The following BET1 variants were observed in gnomAD, a reference collection of about 807,000 sequenced individuals.
BET1 encodes the protein BET1 homolog.
A neutral mutation model predicts 13.9 loss-of-function variants in BET1; 9 were observed. The ratio of observed to expected loss-of-function variants is 0.65; its 90% confidence interval spans 0.39 to 1.13. The LOEUF is 1.13. Ranked by LOEUF, BET1 falls within the 50% of genes most tolerant of loss-of-function variation. The pLI, the probability that BET1 is intolerant of heterozygous loss-of-function variation, is 0.01. For synonymous variants in BET1, 39 were observed against 47.3 expected (o/e 0.82, Z 0.72); for missense variants, 127 against 133.6 (o/e 0.95, Z 0.24).
intron 4 of BET1, among the ~76,000 whole-genome samples, chr7:93,976,859 C>T (rs549176354): frequency 1.8e-4 from 27 of 152,022 alleles, no homozygotes; most frequent in South Asian, 1.0e-3. Context: ...CTCCAAAGTC[C>T]GTTATATCAT....
chr7:93,982,964 T>C (rs1795453417), intron 4 of BET1, among the ~76,000 whole-genome samples: 1 of 152,126 alleles, frequency 6.6e-6, no homozygotes, highest in Non-Finnish European at 1.5e-5. Flanking sequence ...ACTGACGTAA[T>C]TGACCCTACA....
chr7:93,979,862 A>G (rs1383331820), intron 4 of BET1, among the ~76,000 whole-genome samples: 1 of 152,084 alleles, frequency 6.6e-6, no homozygotes, highest in Non-Finnish European at 1.5e-5. Flanking sequence ...GCTGGGAGCC[A>G]CTGAGAAAGA....
intron 6 of BET1, chr7:93,965,758 T>C (rs1795162733): frequency 6.6e-6 from 1 of 152,080 alleles, no homozygotes; most frequent in South Asian, 2.1e-4. Context: ...AAATATATTA[T>C]TGAAACTCAG....
intron 6 of BET1, among the ~76,000 whole-genome samples, chr7:93,971,718 T>C (rs568127367): frequency 1.3e-5 from 2 of 151,704 alleles, no homozygotes; most frequent in East Asian, 1.9e-4. Context: ...TGTCTCGGTC[T>C]ACATAATAAA....
Position 94,002,543 on chromosome 7 carries a change from C to G in BET1, c.19+1655G>C, listed in dbSNP as rs1795933426. Among the ~76,000 whole-genome samples, 2 of 151,402 alleles carry G rather than the reference C, an allele frequency of 1.3e-5. 1 individual carries two copies. The highest frequency in any genetic ancestry group is 4.2e-4 in the South Asian group (2 of 4,802). On this transcript the variant is annotated intron_variant, in intron 1 of 3. Transcript: ENST00000222547. ...ATTGGAGAAATTCTAATTTTACTGG[C>G]TGAGCTGAGGTCCAGGTAACAATAC...
At chr7:94,001,229 G>C (rs1166215253) in intron 1 of BET1, among the ~76,000 whole-genome samples, 1 of 152,120 alleles carries the variant, frequency 6.6e-6, no homozygotes, top group Non-Finnish European at 1.5e-5. Context: ...ACTCAACACT[G>C]TATGTCCCCC....
chr7:93,967,396 C>T (rs1416479226), intron 6 of BET1, among the ~76,000 whole-genome samples: 1 of 151,780 alleles, frequency 6.6e-6, no homozygotes, highest in Non-Finnish European at 1.5e-5. Flanking sequence ...AACTACCTCA[C>T]TATTGAGAAA....
chr7:93,966,336 T>A (rs942350660), intron 6 of BET1, among the ~76,000 whole-genome samples: 1 of 152,046 alleles, frequency 6.6e-6, no homozygotes, highest in Non-Finnish European at 1.5e-5. Context: ...GAGAGATGCA[T>A]GTTTTTGTTC....
chr7:93,991,131 C>A (rs1249080169), downstream of BET1, among the ~76,000 whole-genome samples: 1 of 152,068 alleles, frequency 6.6e-6, no homozygotes, highest in African/African-American at 2.4e-5. Flanking sequence ...GCCAGAGTAA[C>A]AATAACCACA....
intron 1 of BET1, among the ~76,000 whole-genome samples, chr7:94,001,899 T>C (rs917623333): frequency 6.6e-6 from 1 of 152,218 alleles, no homozygotes; most frequent in Non-Finnish European, 1.5e-5. Context: ...CTTTTGCCTA[T>C]CTTAATTTTA....
At chr7:93,977,052 A>G (rs1795347742) in intron 4 of BET1, among the ~76,000 whole-genome samples, 1 of 152,032 alleles carries the variant, frequency 6.6e-6, no homozygotes, top group South Asian at 2.1e-4. Flanking sequence ...ATCTATATCT[A>G]TATCTCAATC....
intron 5 of BET1, among the ~76,000 whole-genome samples, chr7:93,974,841 G>A (rs1253312305): frequency 6.6e-6 from 1 of 151,924 alleles, no homozygotes; most frequent in Non-Finnish European, 1.5e-5. Context: ...AAGAAATATA[G>A]TAACTTTAGA....
chr7:93,979,355 A>G (rs1356781945), intron 4 of BET1, among the ~76,000 whole-genome samples: 3 of 152,198 alleles, frequency 2.0e-5, no homozygotes, highest in African/African-American at 7.2e-5. Flanking sequence ...TTTTATACAT[A>G]CTTTTGTATA....
intron 4 of BET1, among the ~76,000 whole-genome samples, chr7:93,980,537 A>T (rs937488283): frequency 2.6e-5 from 4 of 152,206 alleles, no homozygotes; most frequent in African/African-American, 9.6e-5. Flanking sequence ...GATAAAAATC[A>T]CATGAGAAAA....
chr7:93,980,150 A>C (rs891836722), intron 4 of BET1, among the ~76,000 whole-genome samples: 3 of 152,208 alleles, frequency 2.0e-5, no homozygotes, highest in African/African-American at 7.2e-5. Flanking sequence ...AAATCTCCCA[A>C]CAAAGAAAAG....
chr7:93,992,385 G>C, downstream of BET1: 1 of 985,294 alleles, frequency 1.0e-6, no homozygotes, highest in Non-Finnish European at 1.2e-6. Flanking sequence ...GCCATCATTG[G>C]TTTTCCTAAG....
downstream of BET1, chr7:93,991,796 G>A (rs1435718908): frequency 2.1e-6 from 2 of 966,164 alleles, no homozygotes; most frequent in South Asian, 9.6e-5. Flanking sequence ...TTTAGTCAAA[G>A]TTTATTCATC....
intron 6 of BET1, among the ~76,000 whole-genome samples, chr7:93,972,047 T>C (rs1013299194): frequency 6.6e-6 from 1 of 151,802 alleles, no homozygotes; most frequent in African/African-American, 2.4e-5. Context: ...CAAGCTAAGA[T>C]TGTGCTCCTT....
At chr7:93,985,004 T>C (rs1345950189) in intron 4 of BET1, among the ~76,000 whole-genome samples, 2 of 152,136 alleles carry the variant, frequency 1.3e-5, no homozygotes, top group Admixed American at 6.6e-5. Context: ...AAAGAATATA[T>C]ATTCTCACTC....
Sources: gnomAD v4.1 joint callset for allele counts (sites outside exome capture counted in the v4.1 genomes callset) on GRCh38, gnomAD v4.1.1 for gene constraint, MANE v1.5 for transcripts, NCBI Gene and HGNC (gene_info 2026-07-23, HGNC 2026-07-21) for gene names.